Variants in HSD17B12 observed in about 807,000 individuals in gnomAD.
HSD17B12 encodes very-long-chain 3-oxoacyl-CoA reductase.
A neutral mutation model predicts 39.3 loss-of-function variants in HSD17B12; 32 were observed. The observed-to-expected ratio is 0.81, with a 90% confidence interval of 0.61 to 1.09. The LOEUF (loss-of-function observed/expected upper bound fraction) is 1.09, where lower values mean the gene tolerates loss of function less well. HSD17B12 is among the 50% of genes least tolerant of loss of function. HSD17B12 has a pLI of 0.00. For synonymous variants in HSD17B12, 150 were observed against 146.7 expected (o/e 1.02, Z -0.16); for missense variants, 342 against 382.9 (o/e 0.89, Z 0.89).
intron 6 of HSD17B12, among the ~76,000 whole-genome samples, chr11:43,828,287 C>T (rs1451260890): frequency 4.1e-5 from 6 of 147,982 alleles, no homozygotes; most frequent in Non-Finnish European, 4.5e-5. Context: ...GGACTACAGG[C>T]GCCCGCCACT....
chr11:43,619,323 C>G, the HSD17B12 span, among the ~76,000 whole-genome samples: 1 of 141,714 alleles, frequency 7.1e-6, no homozygotes, highest in Non-Finnish European at 1.5e-5. Flanking sequence ...GGATTAGTAT[C>G]TATGTTTTGG....
chr11:43,616,597 G>T, the HSD17B12 span, among the ~76,000 whole-genome samples: 1 of 151,634 alleles, frequency 6.6e-6, no homozygotes, highest in South Asian at 2.1e-4. Flanking sequence ...TTTATGGCAG[G>T]TGCCTGATTT....
intron 4 of HSD17B12, among the ~76,000 whole-genome samples, chr11:43,799,950 T>C (rs1199630809): frequency 6.6e-6 from 1 of 152,202 alleles, no homozygotes; most frequent in East Asian, 1.9e-4. Flanking sequence ...CCCTCACTTA[T>C]AGGAAGACCA....
At chr11:43,676,793 G>A (rs1307505619), upstream of HSD17B12, among the ~76,000 whole-genome samples, 1 of 152,164 alleles carries the variant, frequency 6.6e-6, no homozygotes, top group African/African-American at 2.4e-5. Flanking sequence ...TCTAGTGGGG[G>A]CCACAGACAG....
intron 3 of HSD17B12, among the ~76,000 whole-genome samples, chr11:43,780,955 A>C (rs368330589): frequency 3.0e-4 from 46 of 152,334 alleles, no homozygotes; most frequent in African/African-American, 1.1e-3. Flanking sequence ...CTTTGGCATG[A>C]GAAGGAATCC....
intron 1 of HSD17B12, among the ~76,000 whole-genome samples, chr11:43,716,284 G>A (rs1313261090): frequency 1.3e-5 from 2 of 152,114 alleles, no homozygotes; most frequent in Admixed American, 1.3e-4. Flanking sequence ...CCACAAACCA[G>A]AACTTATATC....
At chr11:43,644,537 A>G in the HSD17B12 span, 1 of 152,488 alleles carries the variant, frequency 6.6e-6, no homozygotes. Flanking sequence ...GCGCCTAGGC[A>G]TATGGGGTTG....
At chr11:43,732,948 A>G (rs1324033623) in intron 1 of HSD17B12, among the ~76,000 whole-genome samples, 1 of 152,178 alleles carries the variant, frequency 6.6e-6, no homozygotes, top group African/African-American at 2.4e-5. Context: ...CAGGTTGTTT[A>G]AAAAGTGGCT....
chr11:43,666,317 A>T, the HSD17B12 span, among the ~76,000 whole-genome samples: 1 of 151,826 alleles, frequency 6.6e-6, no homozygotes, highest in Non-Finnish European at 1.5e-5. Flanking sequence ...GATCCTCCCA[A>T]CCTCAGCTCC....
chr11:43,787,283 A>T (rs890186231), intron 3 of HSD17B12, among the ~76,000 whole-genome samples: 6 of 152,120 alleles, frequency 3.9e-5, no homozygotes, highest in Non-Finnish European at 8.8e-5. Flanking sequence ...TGCAGAACAG[A>T]TTGTGTATCA....
At chr11:43,793,265 G>C (rs1950885416) in intron 3 of HSD17B12, among the ~76,000 whole-genome samples, 1 of 152,238 alleles carries the variant, frequency 6.6e-6, no homozygotes, top group Middle Eastern at 3.4e-3. Context: ...AAGTGAGGAA[G>C]GGTGATATGA....
chr11:43,604,490 G>C, the HSD17B12 span, among the ~76,000 whole-genome samples: 4 of 152,152 alleles, frequency 2.6e-5, no homozygotes, highest in Admixed American at 2.6e-4. Flanking sequence ...GATTTTTAAT[G>C]TACTTTTATT....
chr11:43,763,586 T>TTA (rs144415393), intron 3 of HSD17B12, among the ~76,000 whole-genome samples: 26,797 of 145,656 alleles, frequency 0.18, 2,755 homozygotes, highest in Middle Eastern at 0.37. Flanking sequence ...TTTTATACCC[T>TTA]TATATATATA....
At chr11:43,681,093 T>G in intron 1 of HSD17B12, 106 bp downstream of exon 1, 1 of 1,424,282 alleles carries the variant, frequency 7.0e-7, no homozygotes, top group African/African-American at 1.5e-5. Flanking sequence ...CCTCCCCAGC[T>G]CTCCTCTTTC....
At chr11:43,687,007 CTTTCAG>C (rs58516086) in intron 1 of HSD17B12, among the ~76,000 whole-genome samples, 55,907 of 141,504 alleles carry the variant, frequency 0.4, 11,685 homozygotes, top group East Asian at 0.73. Context: ...TAATTTATTT[CTTTCAG>C]TTTCAGAAAA....
At chr11:43,762,449 A>ATGTAT (rs1565078809) in intron 3 of HSD17B12, among the ~76,000 whole-genome samples, 5 of 152,230 alleles carry the variant, frequency 3.3e-5, no homozygotes, top group Non-Finnish European at 5.9e-5. Flanking sequence ...GAGTCCAGAT[A>ATGTAT]CAGCCCTTGC....
intron 1 of HSD17B12, among the ~76,000 whole-genome samples, chr11:43,721,907 G>A (rs1325723874): frequency 1.3e-5 from 2 of 152,324 alleles, no homozygotes; most frequent in Admixed American, 1.3e-4. Context: ...AAATAGACTA[G>A]TGGCAAAGGG....
At chr11:43,723,839 C>T (rs1164473071) in intron 1 of HSD17B12, among the ~76,000 whole-genome samples, 2 of 152,204 alleles carry the variant, frequency 1.3e-5, no homozygotes, top group South Asian at 2.1e-4. Context: ...TCATCAGTGT[C>T]TTGCTGACAG....
chr11:43,783,265 A>C (rs949015769), intron 3 of HSD17B12, among the ~76,000 whole-genome samples: 1 of 152,172 alleles, frequency 6.6e-6, no homozygotes, highest in Non-Finnish European at 1.5e-5. Context: ...ATTATTCCTC[A>C]ATGTTAATTT....
Sources: allele counts gnomAD v4.1 joint callset (sites outside exome capture counted in the v4.1 genomes callset), GRCh38; gene constraint gnomAD v4.1.1; transcripts MANE v1.5; gene names NCBI Gene and HGNC (gene_info 2026-07-23, HGNC 2026-07-21).